FUT8: variants seen among roughly 807,000 people sequenced by gnomAD.
FUT8 encodes alpha-(1,6)-fucosyltransferase.
Under a neutral mutation model 71.3 loss-of-function variants are expected in FUT8, and 29 were observed. That is an observed-to-expected ratio of 0.41 (90% CI 0.30 to 0.55). The LOEUF is 0.55. Ranked by LOEUF, FUT8 falls within the 20% of genes least tolerant of loss-of-function variation. FUT8 has a pLI of 0.34. For missense variants in FUT8, 544 were observed against 702.1 expected, an observed-to-expected ratio of 0.77 and a Z score of 2.55; for synonymous variants, 254 against 239.3, an observed-to-expected ratio of 1.06 and a Z score of -0.57.
intron 6 of FUT8, among the ~76,000 whole-genome samples, chr14:65,631,606 C>T (rs1306525387): frequency 6.7e-6 from 1 of 150,284 alleles, no homozygotes. Flanking sequence ...TACTTTCATG[C>T]TTTTCCTTTT....
At chr14:65,629,975 T>A (rs776586317) in intron 6 of FUT8, among the ~76,000 whole-genome samples, 1 of 152,176 alleles carries the variant, frequency 6.6e-6, no homozygotes, top group Non-Finnish European at 1.5e-5. Flanking sequence ...TTGTTTGAAG[T>A]AAACTGTAAA....
chr14:65,565,838 G>T (rs1012191324), intron 3 of FUT8, among the ~76,000 whole-genome samples: 14 of 151,516 alleles, frequency 9.2e-5, no homozygotes, highest in African/African-American at 1.9e-4. Context: ...TTTCACCAAA[G>T]AATCTGTTGT....
intron 3 of FUT8, among the ~76,000 whole-genome samples, chr14:65,604,545 A>C (rs1350367371): frequency 6.6e-6 from 1 of 151,934 alleles, no homozygotes; most frequent in Non-Finnish European, 1.5e-5. Context: ...AAAATTCCTC[A>C]AACTGAACAA....
At chr14:65,733,461 G>C in intron 10 of FUT8, 80 bp downstream of exon 10, 1 of 1,034,526 alleles carries the variant, frequency 9.7e-7, no homozygotes, top group Non-Finnish European at 1.4e-6. Flanking sequence ...GTGTGTCTAT[G>C]TGTTGTTAAT....
chr14:65,486,783 G>A (rs1411239338), intron 2 of FUT8, among the ~76,000 whole-genome samples: 1 of 152,184 alleles, frequency 6.6e-6, no homozygotes, highest in Non-Finnish European at 1.5e-5. Context: ...TATCCCGAGG[G>A]TTGTAGTGAG....
intron 1 of FUT8, among the ~76,000 whole-genome samples, chr14:65,418,657 C>A (rs2065252079): frequency 6.6e-6 from 1 of 152,096 alleles, no homozygotes; most frequent in South Asian, 2.1e-4. Context: ...GGTTGATGAG[C>A]TTGCCTTATT....
intron 3 of FUT8, among the ~76,000 whole-genome samples, chr14:65,562,547 A>G (rs1339490543): frequency 6.6e-6 from 1 of 152,068 alleles, no homozygotes; most frequent in African/African-American, 2.4e-5. Flanking sequence ...CGATCTCTGT[A>G]TTTTTTTCCA....
chr14:65,403,036 C>T, the FUT8 span, among the ~76,000 whole-genome samples: 1 of 152,190 alleles, frequency 6.6e-6, no homozygotes, highest in Non-Finnish European at 1.5e-5. Flanking sequence ...TCACTTCTTT[C>T]TTCTGCTTCC....
At chr14:65,611,927 C>T (rs1594816862) in intron 3 of FUT8, among the ~76,000 whole-genome samples, 1 of 152,208 alleles carries the variant, frequency 6.6e-6, no homozygotes, top group Non-Finnish European at 1.5e-5. Flanking sequence ...TCCCAAAGTG[C>T]TGGGATTACA....
chr14:65,676,920 T>C (rs773674710), intron 7 of FUT8, among the ~76,000 whole-genome samples: 6 of 152,150 alleles, frequency 3.9e-5, no homozygotes, highest in Admixed American at 1.3e-4. Context: ...CTGAGTATGA[T>C]GTGAATCTGT....
chr14:65,741,414 A>G (rs1196438675), intron 10 of FUT8, among the ~76,000 whole-genome samples: 1 of 151,996 alleles, frequency 6.6e-6, no homozygotes, highest in Non-Finnish European at 1.5e-5. Flanking sequence ...ATCTCTCTTG[A>G]AAACAGTTCT....
In FUT8 at chr14:65,542,749, G is replaced by C. The variant is rs919855213; in HGVS notation, c.-227-18588G>C. 7.2e-5 allele frequency among the ~76,000 whole-genome samples: 11 copies of C among 152,018 alleles called. No homozygotes were observed. The South Asian group carries it at 1.0e-3, about 14-fold the overall frequency. Reference sequence around the variant, plus strand: ...ACTGTTCCCTGGAAAGATTGTTAATGTTTATTCATTATTTGTGTTGTATAT... The same window carrying C: ...ACTGTTCCCTGGAAAGATTGTTAATCTTTATTCATTATTTGTGTTGTATAT... On this transcript the variant is annotated intron_variant, in intron 2 of 10. Coordinates refer to ENST00000673929, the MANE Select transcript of FUT8 (RefSeq NM_001371533.1).
chr14:65,364,407 T>G, the FUT8 span, among the ~76,000 whole-genome samples: 6 of 152,184 alleles, frequency 3.9e-5, no homozygotes, highest in Non-Finnish European at 8.8e-5. Flanking sequence ...TTCACCATGT[T>G]GGCCAGGCTG....
At chr14:65,490,641 A>G (rs1381052006) in intron 2 of FUT8, among the ~76,000 whole-genome samples, 1 of 152,172 alleles carries the variant, frequency 6.6e-6, no homozygotes, top group African/African-American at 2.4e-5. Flanking sequence ...ATTTTTAGAG[A>G]AAGACCTACT....
chr14:65,506,851 CAG>C (rs2066743365), intron 2 of FUT8, among the ~76,000 whole-genome samples: 1 of 152,170 alleles, frequency 6.6e-6, no homozygotes, highest in African/African-American at 2.4e-5. Flanking sequence ...ACCCCTCACA[CAG>C]GGGCACCAGC....
chr14:65,531,924 A>G (rs1304401059), intron 2 of FUT8, among the ~76,000 whole-genome samples: 1 of 152,128 alleles, frequency 6.6e-6, no homozygotes, highest in African/African-American at 2.4e-5. Flanking sequence ...CTCTACTTCT[A>G]TCCATGTTAC....
At chr14:65,677,158 G>GCGCA (rs1566890562) in intron 7 of FUT8, among the ~76,000 whole-genome samples, 5 of 116,372 alleles carry the variant, frequency 4.3e-5, no homozygotes, top group South Asian at 2.5e-4. Context: ...GTGTGCGCGC[G>GCGCA]CGCATGCGCG....
chr14:65,707,112 T>C (rs1165766863), intron 7 of FUT8, among the ~76,000 whole-genome samples: 1 of 152,206 alleles, frequency 6.6e-6, no homozygotes, highest in Admixed American at 6.5e-5. Context: ...GCTGAACTAA[T>C]TTACATTCCC....
chr14:65,635,640 T>C (rs1379051621), intron 6 of FUT8, among the ~76,000 whole-genome samples: 1 of 152,238 alleles, frequency 6.6e-6, no homozygotes, highest in Non-Finnish European at 1.5e-5. Context: ...TGACATTTAT[T>C]GACTTGCGTA....
Sources: allele counts gnomAD v4.1 joint callset (sites outside exome capture counted in the v4.1 genomes callset), GRCh38; gene constraint gnomAD v4.1.1; transcripts MANE v1.5; gene names NCBI Gene and HGNC (gene_info 2026-07-23, HGNC 2026-07-21).